SNTG1: variants seen among roughly 807,000 people sequenced by gnomAD.
SNTG1 encodes the protein syntrophin gamma 1, also known as gamma-1-syntrophin.
SNTG1 carries 39 observed loss-of-function variants against 74.7 expected under a neutral mutation model. The observed-to-expected ratio is 0.52, with a 90% CI of 0.40 to 0.68. SNTG1 has a LOEUF of 0.68. Among genes scored for constraint, SNTG1 ranks in the 30% least tolerant of loss-of-function variants. SNTG1 has a pLI of 0.00. For synonymous variants in SNTG1, 254 were observed against 217.1 expected, an observed-to-expected ratio of 1.17 and a Z score of -1.49; for missense variants, 685 against 609.5, an observed-to-expected ratio of 1.12 and a Z score of -1.30.
chr8:50,047,011 C>T (rs1464005638), intron 1 of SNTG1, among the ~76,000 whole-genome samples: 1 of 152,140 alleles, frequency 6.6e-6, no homozygotes, highest in African/African-American at 2.4e-5. Flanking sequence ...TTCCAAAATT[C>T]TTACTCTCCT....
intron 15 of SNTG1, among the ~76,000 whole-genome samples, chr8:50,696,111 A>T (rs147695424): frequency 2.6e-5 from 4 of 151,884 alleles, no homozygotes; most frequent in Admixed American, 2.0e-4. Context: ...CCTTTTCTCT[A>T]TATCTTCACC....
chr8:50,506,867 T>G, intron 9 of SNTG1, among the ~76,000 whole-genome samples: 1 of 152,032 alleles, frequency 6.6e-6, no homozygotes. Context: ...GACTTGAGAG[T>G]GGGCATCCTT....
At chr8:50,266,672 G>GTA (rs1348878636) in intron 2 of SNTG1, among the ~76,000 whole-genome samples, 1 of 129,344 alleles carries the variant, frequency 7.7e-6, no homozygotes, top group Non-Finnish European at 1.6e-5. Flanking sequence ...GTGTGTGTGT[G>GTA]TGTGTGTGTG....
intron 2 of SNTG1, among the ~76,000 whole-genome samples, chr8:50,322,114 CT>C (rs869251894): frequency 2.4e-5 from 3 of 125,584 alleles, no homozygotes; most frequent in South Asian, 2.7e-4. Context: ...AGCATTTCTT[CT>C]TTTTTTTATT....
chr8:50,115,422 C>T (rs1001338222), intron 1 of SNTG1, among the ~76,000 whole-genome samples: 15 of 151,672 alleles, frequency 9.9e-5, no homozygotes, highest in South Asian at 4.2e-4. Flanking sequence ...AAAAATTAGC[C>T]GAGCATCATG....
At chr8:50,112,425 AG>A in intron 1 of SNTG1, among the ~76,000 whole-genome samples, 1 of 151,932 alleles carries the variant, frequency 6.6e-6, no homozygotes, top group African/African-American at 2.4e-5. Context: ...CTAAGAATGC[AG>A]GTGTAAAAAC....
chr8:50,296,259 C>CTT, intron 2 of SNTG1, among the ~76,000 whole-genome samples: 1 of 152,274 alleles, frequency 6.6e-6, no homozygotes, highest in East Asian at 1.9e-4. Flanking sequence ...AATCCCATTA[C>CTT]TGGGAATATA....
intron 13 of SNTG1, among the ~76,000 whole-genome samples, chr8:50,618,247 G>A (rs935439728): frequency 1.3e-5 from 2 of 152,070 alleles, no homozygotes; most frequent in Non-Finnish European, 2.9e-5. Context: ...AAATATACCT[G>A]TAACTGTTCC....
chr8:50,638,905 A>C (rs1340057710), intron 13 of SNTG1, among the ~76,000 whole-genome samples: 1 of 152,116 alleles, frequency 6.6e-6, no homozygotes, highest in African/African-American at 2.4e-5. Flanking sequence ...TGAGCAGATT[A>C]CATCCAACTA....
chr8:50,315,390 G>A (rs550040213), intron 2 of SNTG1, among the ~76,000 whole-genome samples: 1 of 149,842 alleles, frequency 6.7e-6, no homozygotes, highest in African/African-American at 2.5e-5. Flanking sequence ...AATTTTGTAT[G>A]AACTTTATTG....
At chr8:50,670,967 T>G (rs919129066) in intron 15 of SNTG1, among the ~76,000 whole-genome samples, 29 of 150,898 alleles carry the variant, frequency 1.9e-4, no homozygotes, top group African/African-American at 5.8e-4. Flanking sequence ...TAATAAATGG[T>G]GCTGGGAAAA....
intron 15 of SNTG1, among the ~76,000 whole-genome samples, chr8:50,659,184 A>G (rs1207880992): frequency 6.6e-6 from 1 of 152,212 alleles, no homozygotes; most frequent in Admixed American, 6.6e-5. Context: ...GTCATATATC[A>G]GTTGAATTTC....
intron 4 of SNTG1, among the ~76,000 whole-genome samples, chr8:50,437,638 A>G (rs1161751857): frequency 6.6e-6 from 1 of 152,184 alleles, no homozygotes; most frequent in Non-Finnish European, 1.5e-5. Context: ...CCAGATAACA[A>G]ATATCTACCC....
intron 9 of SNTG1, among the ~76,000 whole-genome samples, chr8:50,511,908 C>G (rs1283971485): frequency 9.9e-5 from 15 of 152,220 alleles, no homozygotes; most frequent in Non-Finnish European, 1.9e-4. Context: ...GCATTTAGCC[C>G]ATTTACATTT....
chr8:49,955,442 C>T (rs1470020787), intron 1 of SNTG1, among the ~76,000 whole-genome samples: 1 of 152,178 alleles, frequency 6.6e-6, no homozygotes, highest in Admixed American at 6.5e-5. Context: ...ATGGCAGGGT[C>T]CAGTGAATGC....
At chr8:50,727,039 G>A (rs1453076868) in intron 17 of SNTG1, among the ~76,000 whole-genome samples, 1 of 152,096 alleles carries the variant, frequency 6.6e-6, no homozygotes, top group East Asian at 1.9e-4. Context: ...ATTATACAAT[G>A]TGGAATGTCA....
chr8:50,338,078 G>GGC (rs1563916254), intron 2 of SNTG1, among the ~76,000 whole-genome samples: 1 of 41,658 alleles, frequency 2.4e-5, no homozygotes, highest in East Asian at 2.2e-3. Flanking sequence ...GGAGCTTGCA[G>GGC]TGAGCCGAGA....
At chr8:50,507,215 A>G (rs962406604) in intron 9 of SNTG1, among the ~76,000 whole-genome samples, 17 of 151,868 alleles carry the variant, frequency 1.1e-4, no homozygotes, top group African/African-American at 3.1e-4. Context: ...TTAAATTTGT[A>G]GTTGAATTCA....
chr8:50,140,485 G>T (rs761284290), intron 1 of SNTG1, among the ~76,000 whole-genome samples: 1 of 152,054 alleles, frequency 6.6e-6, no homozygotes, highest in Non-Finnish European at 1.5e-5. Context: ...GTGTGTTTGC[G>T]AGAATGTGTG....
Sources: gnomAD v4.1 joint callset for allele counts (sites outside exome capture counted in the v4.1 genomes callset) on GRCh38, gnomAD v4.1.1 for gene constraint, MANE v1.5 for transcripts, NCBI Gene and HGNC (gene_info 2026-07-23, HGNC 2026-07-21) for gene names.